Variants in FHIT observed in about 807,000 individuals in gnomAD.
FHIT encodes fragile histidine triad diadenosine triphosphatase.
A neutral mutation model predicts 17.9 loss-of-function variants in FHIT; 19 were observed. The ratio of observed to expected loss-of-function variants is 1.06; its 90% confidence interval spans 0.74 to 1.56. The LOEUF (loss-of-function observed/expected upper bound fraction) is 1.56, where lower values mean the gene tolerates loss of function less well. Among genes scored for constraint, FHIT ranks in the 40% most tolerant of loss-of-function variants. FHIT has a pLI of 0.00. For synonymous variants in FHIT, 81 were observed against 69.7 expected (o/e 1.16, Z -0.81); for missense variants, 248 against 189.2 (o/e 1.31, Z -1.82).
At position 60,317,625 on chromosome 3, in the gene FHIT, G is replaced by A. The variant is rs968445797; in HGVS notation, c.103+219235C>T. Among the ~76,000 whole-genome samples, 4 of 143,386 alleles carry A rather than the reference G, an allele frequency of 2.8e-5. No homozygotes were observed. The Admixed American group carries it at 2.8e-4, about 10-fold the overall frequency. 94.1% of individuals were successfully genotyped at this position (143,386 alleles called of 152,430 possible). A position where few individuals can be genotyped will look rare whatever the true frequency, so the allele number is the denominator to read the frequency against. On this transcript the variant is annotated intron_variant, in intron 5 of 9. Transcript: ENST00000492590. ...ATAATATGTAATTATATATGTGTGT[G>A]TGTGTGTGTGTATATATATATATAT...
intron 4 of FHIT, among the ~76,000 whole-genome samples, chr3:60,793,776 A>C (rs1700872874): frequency 6.6e-6 from 1 of 152,158 alleles, no homozygotes; most frequent in Non-Finnish European, 1.5e-5. Flanking sequence ...CTCACTCACC[A>C]ATCACTCTGC....
At chr3:60,341,937 G>T (rs1298988161) in intron 5 of FHIT, among the ~76,000 whole-genome samples, 6 of 152,078 alleles carry the variant, frequency 3.9e-5, no homozygotes, top group Non-Finnish European at 8.8e-5. Context: ...GACCAGCGAG[G>T]ATTAGAAACG....
intron 5 of FHIT, among the ~76,000 whole-genome samples, chr3:60,250,177 A>C (rs977354858): frequency 2.0e-5 from 3 of 152,156 alleles, no homozygotes; most frequent in African/African-American, 7.2e-5. Flanking sequence ...GAGGCCATAC[A>C]TGCACTAGAT....
intron 5 of FHIT, among the ~76,000 whole-genome samples, chr3:60,166,967 A>G (rs1576237511): frequency 6.6e-6 from 1 of 152,126 alleles, no homozygotes; most frequent in Non-Finnish European, 1.5e-5. Flanking sequence ...TGCTCTAGTC[A>G]TGCACCTGTG....
chr3:61,114,508 A>G (rs1008719089), intron 2 of FHIT, among the ~76,000 whole-genome samples: 3 of 152,196 alleles, frequency 2.0e-5, no homozygotes, highest in African/African-American at 7.2e-5. Flanking sequence ...ATAAAATAGG[A>G]TTAGTAATAC....
At chr3:60,148,428 T>C (rs762839285) in intron 5 of FHIT, among the ~76,000 whole-genome samples, 5 of 152,222 alleles carry the variant, frequency 3.3e-5, no homozygotes, top group African/African-American at 4.8e-5. Flanking sequence ...AGAATCTGTA[T>C]AGTATTTATT....
At chr3:60,187,401 T>A (rs1047260370) in intron 5 of FHIT, among the ~76,000 whole-genome samples, 3 of 152,212 alleles carry the variant, frequency 2.0e-5, no homozygotes, top group Non-Finnish European at 4.4e-5. Flanking sequence ...ATGCAGTTTT[T>A]AAATTAGGCC....
intron 8 of FHIT, among the ~76,000 whole-genome samples, chr3:59,814,350 G>A (rs955366419): frequency 2.0e-5 from 3 of 152,228 alleles, no homozygotes; most frequent in African/African-American, 7.2e-5. Context: ...AGCACGTATG[G>A]TCTTGGCCTA....
At chr3:60,760,334 G>A (rs782184968) in intron 4 of FHIT, among the ~76,000 whole-genome samples, 8 of 152,196 alleles carry the variant, frequency 5.3e-5, no homozygotes, top group Non-Finnish European at 1.2e-4. Context: ...GTGAGAGCAT[G>A]TGGAGGTTTC....
In FHIT at chr3:60,066,866, G is replaced by A. The variant is rs371864969; in HGVS notation, c.104-52714C>T. On this transcript the variant is annotated intron_variant, in intron 5 of 9. Transcript: ENST00000492590. Reference sequence around the variant, plus strand: ...AGAGACGGGGTTTCACCGTGGTCTCGATCTCCTGACCTTGTGATCCGCCCA... The same window carrying A: ...AGAGACGGGGTTTCACCGTGGTCTCAATCTCCTGACCTTGTGATCCGCCCA... Among the ~76,000 whole-genome samples, 12 of 151,560 alleles carry A rather than the reference G, an allele frequency of 7.9e-5. No individual in the cohort carries two copies. In the South Asian group the frequency reaches 2.5e-3, roughly 32 times the overall value.
intron 5 of FHIT, among the ~76,000 whole-genome samples, chr3:60,405,115 C>G (rs1293184402): frequency 6.6e-6 from 1 of 152,126 alleles, no homozygotes; most frequent in African/African-American, 2.4e-5. Context: ...GGTGGAACCC[C>G]ACTTCCAAGC....
rs1005384847 is a variant in FHIT at position 59,827,350 on chromosome 3, C to T, written c.349-75029G>A. 7.2e-5 allele frequency among the ~76,000 whole-genome samples: 11 copies of T among 152,104 alleles called. No homozygotes were observed. In the South Asian group the frequency reaches 1.9e-3, roughly 26 times the overall value. Reference sequence around the variant, plus strand: ...GAATCACATTTAAAGTCAGAGATGGCAAAAATAACAGACATTTCTATGACA... The same window carrying T: ...GAATCACATTTAAAGTCAGAGATGGTAAAAATAACAGACATTTCTATGACA... On this transcript the variant is annotated intron_variant, in intron 8 of 9. Transcript: ENST00000492590.
intron 5 of FHIT, among the ~76,000 whole-genome samples, chr3:60,234,338 T>C (rs1704656145): frequency 6.6e-6 from 1 of 152,212 alleles, no homozygotes; most frequent in African/African-American, 2.4e-5. Flanking sequence ...GTCAACATAA[T>C]GAATAACTAC....
rs372173424 is a variant in FHIT at position 60,672,307 on chromosome 3, C to A, written c.-17-135328G>T. Among the ~76,000 whole-genome samples the A allele has an allele frequency of 3.7e-4, 56 of 150,560 alleles. No individual in the cohort carries two copies. The East Asian group carries it at 4.5e-3, about 12-fold the overall frequency. On this transcript the variant is annotated intron_variant, in intron 4 of 9. Coordinates refer to ENST00000492590, the MANE Select transcript of FHIT (RefSeq NM_002012.4). Reference sequence around the variant, plus strand: ...GGGCTGAGTCCAAAAAGAGAGTTAGCGAAGGGAGATAAGGGTGGGGCCATT... The same window carrying A: ...GGGCTGAGTCCAAAAAGAGAGTTAGAGAAGGGAGATAAGGGTGGGGCCATT...
At chr3:60,446,731 T>C (rs972522640) in intron 5 of FHIT, among the ~76,000 whole-genome samples, 6 of 151,908 alleles carry the variant, frequency 3.9e-5, no homozygotes, top group East Asian at 1.9e-4. Context: ...TGCACACTTA[T>C]AGTACAAGCT....
At position 60,285,638 on chromosome 3, in the gene FHIT, C is replaced by G. The variant is rs2107656129; in HGVS notation, c.103+251222G>C. ...TCAGTTGAGTTTAATTTTAGGAAAT[C>G]ATCTTGGGTGGGCCTAACTTAACCA... is the stretch of plus-strand genomic sequence containing the variant. On this transcript the variant is annotated intron_variant, in intron 5 of 9. Coordinates refer to ENST00000492590, the MANE Select transcript of FHIT (RefSeq NM_002012.4). Among the ~76,000 whole-genome samples, 2 of 152,222 alleles carry G rather than the reference C, an allele frequency of 1.3e-5. 1 individual carries two copies. Among genetic ancestry groups the G allele is most frequent in the South Asian group, 4.2e-4 (2 of 4,818 alleles).
At chr3:60,239,656 CAA>C (rs1346692907) in intron 5 of FHIT, among the ~76,000 whole-genome samples, 1 of 152,092 alleles carries the variant, frequency 6.6e-6, no homozygotes, top group Non-Finnish European at 1.5e-5. Flanking sequence ...TTCTAACAAG[CAA>C]AAGTTTCCCT....
At chr3:60,718,815 T>C (rs2041745034) in intron 4 of FHIT, among the ~76,000 whole-genome samples, 2 of 152,202 alleles carry the variant, frequency 1.3e-5, no homozygotes, top group Non-Finnish European at 2.9e-5. Flanking sequence ...TTTTTGACTG[T>C]GGAACTTCTC....
chr3:60,482,939 A>G (rs1376972016), intron 5 of FHIT, among the ~76,000 whole-genome samples: 5 of 152,120 alleles, frequency 3.3e-5, no homozygotes, highest in African/African-American at 9.7e-5. Flanking sequence ...AGCTAGATTA[A>G]TAAAGAAGAA....
Sources: gnomAD v4.1 joint callset for allele counts (sites outside exome capture counted in the v4.1 genomes callset) on GRCh38, gnomAD v4.1.1 for gene constraint, MANE v1.5 for transcripts, NCBI Gene and HGNC (gene_info 2026-07-23, HGNC 2026-07-21) for gene names.